Variants in UGGT2 observed in about 807,000 individuals in gnomAD.
UGGT2 encodes UDP-glucose:glycoprotein glucosyltransferase 2.
Under a neutral mutation model 192.1 loss-of-function variants are expected in UGGT2, and 180 were observed. The observed-to-expected ratio is 0.94, with a 90% CI of 0.83 to 1.06. UGGT2 has a LOEUF of 1.06. Ranked by LOEUF, UGGT2 falls within the 50% of genes least tolerant of loss-of-function variation. The pLI, the probability that UGGT2 is intolerant of heterozygous loss-of-function variation, is 0.00. For missense variants in UGGT2, 1,849 were observed against 1,795.7 expected (o/e 1.03, Z -0.54); for synonymous variants, 580 against 591.0 (o/e 0.98, Z 0.27).
chr13:95,867,449 A>C (rs1890772449), intron 29 of UGGT2, 26 bp from the exon 30 acceptor site: 1 of 1,562,050 alleles, frequency 6.4e-7, no homozygotes, highest in Non-Finnish European at 8.7e-7. Flanking sequence ...TGTGTCCATA[A>C]TTAATTTAAG....
chr13:96,017,356 C>A (rs1239614416), intron 4 of UGGT2, among the ~76,000 whole-genome samples: 1 of 152,168 alleles, frequency 6.6e-6, no homozygotes, highest in Non-Finnish European at 1.5e-5. Flanking sequence ...CCCAGGGGCC[C>A]CCCTTACTCT....
intron 13 of UGGT2, among the ~76,000 whole-genome samples, 157 bp from the exon 14 acceptor site, chr13:95,948,238 C>T (rs2049943622): frequency 1.3e-5 from 2 of 151,770 alleles, no homozygotes; most frequent in South Asian, 4.2e-4. Flanking sequence ...CACACACACA[C>T]ACACACACAC....
Position 95,894,804 on chromosome 13 carries a change from G to C in UGGT2, c.2760-147C>G, listed in dbSNP as rs901697003. On this transcript the variant is annotated intron_variant, in intron 23 of 38. Coordinates refer to ENST00000376747, the MANE Select transcript of UGGT2 (RefSeq NM_020121.4). Reference sequence around the variant, plus strand: ...TGCAAAGGGAGACCTACGTATAATAGCATTTCTCTAAAACAGTCACAGCCT... The same window carrying C: ...TGCAAAGGGAGACCTACGTATAATACCATTTCTCTAAAACAGTCACAGCCT... 2.9e-5 allele frequency: 18 copies of C among 617,822 alleles called. No homozygotes were observed. The East Asian group carries it at 5.1e-4, about 18-fold the overall frequency. 38.3% of individuals were successfully genotyped at this position (617,822 alleles called of 1,614,324 possible). A position where few individuals can be genotyped will look rare whatever the true frequency, so the allele number is the denominator to read the frequency against.
At chr13:96,038,965 G>C (rs1251052535) in intron 1 of UGGT2, among the ~76,000 whole-genome samples, 2 of 152,120 alleles carry the variant, frequency 1.3e-5, no homozygotes, top group African/African-American at 4.8e-5. Flanking sequence ...TGTGAAACTA[G>C]AAAACAAGTT....
At chr13:95,884,766 G>C (rs1594231170) in intron 26 of UGGT2, 86 bp from the exon 27 acceptor site, 1 of 1,301,052 alleles carries the variant, frequency 7.7e-7, no homozygotes, top group Non-Finnish European at 1.0e-6. Context: ...ATTGCTTAAT[G>C]ATCTGACCAG....
chr13:95,885,078 A>G (rs2047608681), intron 26 of UGGT2, among the ~76,000 whole-genome samples: 1 of 152,212 alleles, frequency 6.6e-6, no homozygotes, highest in Non-Finnish European at 1.5e-5. Context: ...ATGAAGAGAA[A>G]TGGTAGGAAA....
chr13:95,852,079 A>T lies in UGGT2; in HGVS notation c.4284+1464T>A, dbSNP rs139767506. 4.3e-3 allele frequency among the ~76,000 whole-genome samples: 655 copies of T among 152,292 alleles called. 5 individuals carry two copies. The highest frequency in any genetic ancestry group is 6.8e-3 in the Non-Finnish European group (464 of 68,028). On this transcript the variant is annotated intron_variant, in intron 36 of 38. Transcript: ENST00000376747. ...TTTGAAGATCTCCCAATTTTCAAGAATGATTAAAAAAATCAACTCCTTACC... is the reference window on the plus strand; with the variant it reads ...TTTGAAGATCTCCCAATTTTCAAGATTGATTAAAAAAATCAACTCCTTACC...
intron 20 of UGGT2, among the ~76,000 whole-genome samples, chr13:95,918,133 T>G (rs2048735617): frequency 6.6e-6 from 1 of 152,224 alleles, no homozygotes; most frequent in African/African-American, 2.4e-5. Flanking sequence ...ATCACATAAT[T>G]GGAAGTAAAA....
intron 2 of UGGT2, among the ~76,000 whole-genome samples, chr13:96,028,852 T>C (rs1485989843): frequency 6.6e-6 from 1 of 151,938 alleles, no homozygotes; most frequent in African/African-American, 2.4e-5. Context: ...TTCAGTAAAA[T>C]CTGCTCATTA....
intron 22 of UGGT2, among the ~76,000 whole-genome samples, chr13:95,900,308 G>C (rs538979123): frequency 1.3e-5 from 2 of 152,054 alleles, no homozygotes; most frequent in Admixed American, 1.3e-4. Flanking sequence ...AGGGTGGTTG[G>C]AGAGTAAGAG....
At chr13:96,049,335 A>C (rs10083200) in intron 1 of UGGT2, among the ~76,000 whole-genome samples, 3 of 152,206 alleles carry the variant, frequency 2.0e-5, no homozygotes, top group African/African-American at 7.2e-5. Flanking sequence ...ATCTCAAAAT[A>C]ATAAGAGCTA....
At chr13:95,818,884 TG>T (rs1220181108) in intron 38 of UGGT2, among the ~76,000 whole-genome samples, 1 of 152,124 alleles carries the variant, frequency 6.6e-6, no homozygotes, top group Non-Finnish European at 1.5e-5. Flanking sequence ...TGCGGACACA[TG>T]GAAGAGTTAC....
chr13:95,966,865 C>T (rs761017720), intron 12 of UGGT2, among the ~76,000 whole-genome samples: 7 of 152,116 alleles, frequency 4.6e-5, no homozygotes, highest in Non-Finnish European at 7.4e-5. Context: ...ATCTTCTGCC[C>T]ATATTTTTAC....
At chr13:95,947,442 T>C (rs939000839) in intron 14 of UGGT2, among the ~76,000 whole-genome samples, 3 of 148,918 alleles carry the variant, frequency 2.0e-5, no homozygotes, top group Non-Finnish European at 4.5e-5. Context: ...AAAGGGTAAA[T>C]ATACTCTTTT....
intron 1 of UGGT2, among the ~76,000 whole-genome samples, chr13:96,043,833 T>A (rs1333920589): frequency 1.3e-5 from 2 of 152,222 alleles, no homozygotes; most frequent in East Asian, 3.9e-4. Context: ...CTGAAATATA[T>A]ATGCAATAAT....
At chr13:95,860,935 G>A in intron 31 of UGGT2, 52 bp from the exon 32 acceptor site, 1 of 1,053,580 alleles carries the variant, frequency 9.5e-7, no homozygotes, top group Non-Finnish European at 1.4e-6. Flanking sequence ...TGGAAACATT[G>A]TATGCCTAAA....
At chr13:95,858,626 C>T (rs1889857981) in intron 33 of UGGT2, among the ~76,000 whole-genome samples, 1 of 152,144 alleles carries the variant, frequency 6.6e-6, no homozygotes, top group Admixed American at 6.6e-5. Context: ...CGGACCCTAC[C>T]CTAAGCATCT....
At chr13:95,856,489 TATTA>T (rs1566596776) in intron 33 of UGGT2, 149 bp from the exon 34 acceptor site, 6 of 677,292 alleles carry the variant, frequency 8.9e-6, no homozygotes, top group Non-Finnish European at 7.2e-6. Flanking sequence ...ATAACATACT[TATTA>T]ATGAGAAATA....
chr13:95,873,330 T>A (rs928928873), intron 29 of UGGT2, among the ~76,000 whole-genome samples: 1 of 152,258 alleles, frequency 6.6e-6, no homozygotes, highest in African/African-American at 2.4e-5. Flanking sequence ...TCACTCATTT[T>A]CTTGACTATC....
Sources: allele counts gnomAD v4.1 joint callset (sites outside exome capture counted in the v4.1 genomes callset), GRCh38; gene constraint gnomAD v4.1.1; transcripts MANE v1.5; gene names NCBI Gene and HGNC (gene_info 2026-07-23, HGNC 2026-07-21).